The following IL1RAPL1 variants were observed in gnomAD, a reference collection of about 807,000 sequenced individuals.
IL1RAPL1 encodes the protein interleukin-1 receptor accessory protein-like 1.
A neutral mutation model predicts 48.4 loss-of-function variants in IL1RAPL1; 3 were observed. The ratio of observed to expected loss-of-function variants is 0.06; its 90% confidence interval spans 0.03 to 0.16. The LOEUF is 0.16. IL1RAPL1 is among the 10% of genes least tolerant of loss of function. The pLI, the probability that IL1RAPL1 is intolerant of heterozygous loss-of-function variation, is 1.00. For synonymous variants in IL1RAPL1, 185 were observed against 187.7 expected (o/e 0.99, Z 0.12); for missense variants, 349 against 530.6 (o/e 0.66, Z 3.36).
At chrX:28,714,002 C>G (rs1409250842) in intron 1 of IL1RAPL1, among the ~76,000 whole-genome samples, 1 of 111,851 alleles carries the variant, frequency 8.9e-6, no homozygotes, top group Non-Finnish European at 1.9e-5. Flanking sequence ...GTTTTCAGAG[C>G]TTTCTGAACA....
intron 3 of IL1RAPL1, among the ~76,000 whole-genome samples, chrX:29,306,530 GAAAAAAAAAA>G (rs1166748708): frequency 1.8e-4 from 6 of 33,444 alleles, no homozygotes; most frequent in Non-Finnish European, 2.3e-4. Context: ...TCTGTCAAAA[GAAAAAAAAAA>G]AAAAAAAAAA....
chrX:29,173,912 A>G (rs971853793), intron 2 of IL1RAPL1, among the ~76,000 whole-genome samples: 1 of 110,886 alleles, frequency 9.0e-6, no homozygotes, highest in African/African-American at 3.3e-5. Context: ...AAAAATGAAC[A>G]ATCAACAAGA....
chrX:28,658,040 T>G (rs1376110774), intron 1 of IL1RAPL1, among the ~76,000 whole-genome samples: 2 of 111,877 alleles, frequency 1.8e-5, no homozygotes, highest in Non-Finnish European at 3.8e-5. Flanking sequence ...TGATCCATTT[T>G]AGGTCTCTCT....
chrX:29,108,066 C>T (rs1928484216), intron 2 of IL1RAPL1, among the ~76,000 whole-genome samples: 1 of 111,918 alleles, frequency 8.9e-6, no homozygotes, highest in Non-Finnish European at 1.9e-5. Flanking sequence ...ACCAGGACCC[C>T]CAGAAACTCC....
At chrX:29,886,121 T>C (rs1304416824) in intron 6 of IL1RAPL1, among the ~76,000 whole-genome samples, 1 of 111,767 alleles carries the variant, frequency 8.9e-6, no homozygotes, top group Non-Finnish European at 1.9e-5. Flanking sequence ...TGTAAAGCAA[T>C]TGCATCCTCA....
At chrX:29,195,731 T>A (rs762118909) in intron 2 of IL1RAPL1, among the ~76,000 whole-genome samples, 2 of 109,587 alleles carry the variant, frequency 1.8e-5, no homozygotes, top group Non-Finnish European at 3.8e-5. Context: ...GGCTAATTTT[T>A]GTATTTTTCT....
chrX:28,858,060 G>A (rs1921847710), intron 2 of IL1RAPL1, among the ~76,000 whole-genome samples: 1 of 112,259 alleles, frequency 8.9e-6, no homozygotes, highest in South Asian at 3.7e-4. Context: ...TAAGACTTCA[G>A]TGGATTAAGT....
chrX:29,464,167 A>G (rs1195057762), intron 5 of IL1RAPL1, among the ~76,000 whole-genome samples: 2 of 112,147 alleles, frequency 1.8e-5, no homozygotes, highest in Non-Finnish European at 3.8e-5. Flanking sequence ...TTTATTTTGG[A>G]TATTCAGTTT....
Position 29,415,380 on chromosome X carries a change from A to ATATG in IL1RAPL1, c.703+16076_703+16079dup, listed in dbSNP as rs752984526. ...AGATCTATATAATATATATCTATAA[A>ATATG]TATGTATTTTCATTGGATAGAGAAT... On this transcript the variant is annotated intron_variant, in intron 5 of 10. Coordinates refer to ENST00000378993, the MANE Select transcript of IL1RAPL1 (RefSeq NM_014271.4). 7.2e-5 allele frequency among the ~76,000 whole-genome samples: 8 copies of ATATG among 111,346 alleles called. No homozygotes were observed. In the South Asian group the frequency reaches 3.0e-3, roughly 41 times the overall value.
intron 2 of IL1RAPL1, among the ~76,000 whole-genome samples, chrX:28,928,926 C>T (rs1414645353): frequency 8.9e-6 from 1 of 112,195 alleles, no homozygotes; most frequent in East Asian, 2.8e-4. Context: ...TCAAAACAAA[C>T]TGTACTGTTT....
intron 3 of IL1RAPL1, among the ~76,000 whole-genome samples, chrX:29,334,780 T>C (rs1932956947): frequency 8.8e-6 from 1 of 113,206 alleles, no homozygotes; most frequent in African/African-American, 3.2e-5. Context: ...GAGACGCTCC[T>C]CACTTTCCAG....
intron 2 of IL1RAPL1, among the ~76,000 whole-genome samples, chrX:29,177,825 T>A (rs948220226): frequency 9.0e-6 from 1 of 111,400 alleles, no homozygotes. Flanking sequence ...TTCCCACTTA[T>A]GAGTGAGAAT....
intron 3 of IL1RAPL1, among the ~76,000 whole-genome samples, chrX:29,347,338 C>T: frequency 9.1e-6 from 1 of 109,861 alleles, no homozygotes; most frequent in Middle Eastern, 4.7e-3. Flanking sequence ...TTTCTTCTTA[C>T]TGTAGATCTT....
At chrX:28,715,666 T>A (rs757614910) in intron 1 of IL1RAPL1, among the ~76,000 whole-genome samples, 154 of 110,391 alleles carry the variant, frequency 1.4e-3, no homozygotes, top group African/African-American at 5.0e-3. Flanking sequence ...CAATAATGAG[T>A]TCTGAAATTG....
chrX:29,840,263 T>A (rs1184234515), intron 6 of IL1RAPL1, among the ~76,000 whole-genome samples: 2 of 111,863 alleles, frequency 1.8e-5, no homozygotes, highest in African/African-American at 3.3e-5. Flanking sequence ...CATCTTTAAT[T>A]TGGATCAGGG....
chrX:29,063,865 C>T (rs1927393329), intron 2 of IL1RAPL1, among the ~76,000 whole-genome samples: 1 of 112,095 alleles, frequency 8.9e-6, no homozygotes, highest in Non-Finnish European at 1.9e-5. Context: ...GGTAGTTGGA[C>T]ATGGTATTTC....
chrX:29,408,885 C>T (rs758212503), intron 5 of IL1RAPL1, among the ~76,000 whole-genome samples: 1 of 111,739 alleles, frequency 8.9e-6, no homozygotes, highest in African/African-American at 3.2e-5. Context: ...TAATTAATAG[C>T]AAGGCATTGT....
chrX:29,940,235 T>C (rs1356389771), intron 8 of IL1RAPL1, among the ~76,000 whole-genome samples: 1 of 111,080 alleles, frequency 9.0e-6, no homozygotes, highest in Non-Finnish European at 1.9e-5. Flanking sequence ...CACAATGTTC[T>C]TGTAAGAAAA....
At chrX:29,257,528 C>T (rs763280478) in intron 2 of IL1RAPL1, among the ~76,000 whole-genome samples, 18 of 111,788 alleles carry the variant, frequency 1.6e-4, no homozygotes, top group Non-Finnish European at 5.7e-5. Context: ...ATTACCATGA[C>T]AAACTGAAAG....
Sources: allele counts gnomAD v4.1 joint callset (sites outside exome capture counted in the v4.1 genomes callset), GRCh38; gene constraint gnomAD v4.1.1; transcripts MANE v1.5; gene names NCBI Gene and HGNC (gene_info 2026-07-23, HGNC 2026-07-21).